Variants in ANK3 observed in about 807,000 individuals in gnomAD.
ANK3 encodes ankyrin-3.
In ANK3, 57 loss-of-function variants were observed where a neutral mutation model predicts 370.9. That is an observed-to-expected ratio of 0.15 (90% CI 0.12 to 0.19). The LOEUF is 0.19. Ranked by LOEUF, ANK3 falls within the 10% of genes least tolerant of loss-of-function variation. The pLI, the probability that ANK3 is intolerant of heterozygous loss-of-function variation, is 1.00. For missense variants in ANK3, 4,439 were observed against 5,302.1 expected, an observed-to-expected ratio of 0.84 and a Z score of 5.06; for synonymous variants, 1,929 against 1,946.3, an observed-to-expected ratio of 0.99 and a Z score of 0.23.
chr10:60,326,429 G>A (rs891844141), intron 1 of ANK3, among the ~76,000 whole-genome samples: 3 of 152,130 alleles, frequency 2.0e-5, no homozygotes, highest in Non-Finnish European at 2.9e-5. Flanking sequence ...GTGAGAGCCC[G>A]TACCTTACTT....
chr10:60,103,487 GA>G (rs112825523), intron 28 of ANK3, among the ~76,000 whole-genome samples: 148,208 of 150,606 alleles, frequency 0.98, 72,949 homozygotes, highest in East Asian at 1. Flanking sequence ...ACAGATTTGG[GA>G]TTTTTTTTTT....
Position 60,172,888 on chromosome 10 carries a change from C to G in ANK3, c.2382+12G>C, listed in dbSNP as rs1249227251. ...TCCTCCCTCTTCTCCTGAGCTGGCC[C>G]TGAGCGCTTACCACAGTGAGTTCAT... On this transcript the variant is annotated intron_variant, in intron 20 of 43. Transcript: ENST00000280772. 6.2e-7 allele frequency: 1 copy of G among 1,600,518 alleles called. No homozygotes were observed. Among genetic ancestry groups the G allele is most frequent in the Non-Finnish European group, 8.6e-7 (1 of 1,168,226 alleles).
chr10:60,595,525 C>T (rs1192211767), intron 2 of ANK3, among the ~76,000 whole-genome samples: 1 of 152,058 alleles, frequency 6.6e-6, no homozygotes, highest in Non-Finnish European at 1.5e-5. Flanking sequence ...AAAAATGCCT[C>T]GAACACCAAC....
At chr10:60,428,510 C>G (rs1006918258) in intron 2 of ANK3, among the ~76,000 whole-genome samples, 8 of 152,192 alleles carry the variant, frequency 5.3e-5, no homozygotes, top group African/African-American at 1.9e-4. Context: ...TTGATTGCTT[C>G]ATCACTACAC....
At chr10:60,178,090 C>A (rs888004875) in intron 18 of ANK3, among the ~76,000 whole-genome samples, 1 of 152,136 alleles carries the variant, frequency 6.6e-6, no homozygotes, top group Non-Finnish European at 1.5e-5. Context: ...GTGTTTAAAA[C>A]CTTCAGTGGC....
At chr10:60,048,416 G>A (rs1316003408) in intron 42 of ANK3, among the ~76,000 whole-genome samples, 1 of 152,104 alleles carries the variant, frequency 6.6e-6, no homozygotes, top group African/African-American at 2.4e-5. Context: ...ATTTAGCCTA[G>A]CAAAAAGGAA....
At chr10:60,470,020 G>T (rs943900082) in intron 2 of ANK3, among the ~76,000 whole-genome samples, 1 of 151,974 alleles carries the variant, frequency 6.6e-6, no homozygotes, top group Admixed American at 6.6e-5. Flanking sequence ...TAGTGATAGA[G>T]AAAACAGGGA....
intron 1 of ANK3, among the ~76,000 whole-genome samples, chr10:60,636,125 G>C (rs2078551591): frequency 6.6e-6 from 1 of 150,514 alleles, no homozygotes; most frequent in Admixed American, 6.6e-5. Flanking sequence ...AGAATCTTTG[G>C]CAAGCTGGAA....
chr10:60,152,963 C>A (rs2095198729), intron 23 of ANK3, among the ~76,000 whole-genome samples: 2 of 152,146 alleles, frequency 1.3e-5, no homozygotes, highest in South Asian at 4.1e-4. Context: ...TACAACTCAG[C>A]AATTATACTC....
At chr10:60,356,939 C>T (rs1345503762) in intron 1 of ANK3, among the ~76,000 whole-genome samples, 1 of 152,138 alleles carries the variant, frequency 6.6e-6, no homozygotes, top group Non-Finnish European at 1.5e-5. Flanking sequence ...GAACTCCTGT[C>T]CTCAAGTGAT....
chr10:60,402,550 TC>T (rs2063372698), intron 2 of ANK3, among the ~76,000 whole-genome samples: 1 of 152,216 alleles, frequency 6.6e-6, no homozygotes, highest in Non-Finnish European at 1.5e-5. Flanking sequence ...ATATTTTTCC[TC>T]CCTATAAGTC....
chr10:60,208,159 A>C lies in ANK3; in HGVS notation c.1071T>G (p.Asn357Lys), dbSNP rs1453517572. Residue 357 changes from asparagine to lysine, a missense_variant, in exon 10 of 44, where the codon AAT becomes AAG. Coordinates refer to ENST00000280772, the MANE Select transcript of ANK3 (RefSeq NM_020987.5). ...LNCVQLLLQHNVPVDDVTNDY... is the reference protein window; with the variant it reads ...LNCVQLLLQHKVPVDDVTNDY... ...CATTGGTGACATCATCCACGGGTAC[A>C]TTATGCTGGAGGAGAAGCTGGACGC... 1.2e-6 allele frequency: 2 copies of C among 1,613,982 alleles called. No homozygotes were observed. The highest frequency in any genetic ancestry group is 1.3e-5 in the African/African-American group (1 of 74,894).
At chr10:60,206,872 C>A (rs117118083) in intron 10 of ANK3, among the ~76,000 whole-genome samples, 2,113 of 152,316 alleles carry the variant, frequency 0.014, 20 homozygotes, top group South Asian at 0.023. Context: ...AGGTCAAAGT[C>A]ACTGCAGGTG....
chr10:60,535,346 A>G (rs2076700329), intron 2 of ANK3, among the ~76,000 whole-genome samples: 1 of 152,042 alleles, frequency 6.6e-6, no homozygotes, highest in African/African-American at 2.4e-5. Context: ...AAATACGTTC[A>G]CTCAAAATTT....
intron 2 of ANK3, among the ~76,000 whole-genome samples, chr10:60,414,353 G>A (rs1440113486): frequency 1.3e-5 from 2 of 152,132 alleles, no homozygotes; most frequent in African/African-American, 4.8e-5. Context: ...TATCCATGGG[G>A]ACTGGATTAT....
intron 8 of ANK3, among the ~76,000 whole-genome samples, chr10:60,224,441 C>G (rs1474481863): frequency 6.6e-6 from 1 of 151,962 alleles, no homozygotes; most frequent in Non-Finnish European, 1.5e-5. Context: ...CTTGTACATG[C>G]GAAGGTCAAA....
At chr10:60,299,082 G>T (rs187001536) in intron 1 of ANK3, among the ~76,000 whole-genome samples, 2 of 152,138 alleles carry the variant, frequency 1.3e-5, no homozygotes, top group Admixed American at 1.3e-4. Flanking sequence ...TTAATGTCTG[G>T]CATTCATGCA....
At chr10:60,615,249 T>C in intron 1 of ANK3, 2 of 1,492,838 alleles carry the variant, frequency 1.3e-6, no homozygotes, top group South Asian at 1.3e-5. Context: ...AAACAAACAT[T>C]TAGCAAACAT....
chr10:60,357,477 C>A, intron 1 of ANK3, among the ~76,000 whole-genome samples: 1 of 152,094 alleles, frequency 6.6e-6, no homozygotes, highest in East Asian at 1.9e-4. Context: ...CTATGACCTC[C>A]TCTGTAATCA....
Sources: allele counts gnomAD v4.1 joint callset (sites outside exome capture counted in the v4.1 genomes callset), GRCh38; gene constraint gnomAD v4.1.1; transcripts MANE v1.5; gene names NCBI Gene and HGNC (gene_info 2026-07-23, HGNC 2026-07-21).